Variants in NKAIN3 observed in about 807,000 individuals in gnomAD.
The protein encoded by NKAIN3 is sodium/potassium-transporting ATPase subunit beta-1-interacting protein 3.
Under a neutral mutation model 30.2 loss-of-function variants are expected in NKAIN3, and 25 were observed. The ratio of observed to expected loss-of-function variants is 0.83; its 90% confidence interval spans 0.60 to 1.16. NKAIN3 has a LOEUF of 1.16. Ranked by LOEUF, NKAIN3 falls within the 50% of genes most tolerant of loss-of-function variation. The pLI is 0.00. For missense variants in NKAIN3, 225 were observed against 254.1 expected (o/e 0.89, Z 0.78); for synonymous variants, 91 against 89.6 (o/e 1.02, Z -0.09).
At chr8:62,644,179 G>A (rs1344645119) in intron 3 of NKAIN3, among the ~76,000 whole-genome samples, 1 of 152,054 alleles carries the variant, frequency 6.6e-6, no homozygotes, top group Non-Finnish European at 1.5e-5. Context: ...CACTCTCTTA[G>A]TCCCTTCAGC....
chr8:62,356,383 T>C (rs1337568779), intron 1 of NKAIN3, among the ~76,000 whole-genome samples: 1 of 152,156 alleles, frequency 6.6e-6, no homozygotes, highest in African/African-American at 2.4e-5. Flanking sequence ...AAATAATGAA[T>C]ATGAAAATCT....
intron 1 of NKAIN3, among the ~76,000 whole-genome samples, chr8:62,414,514 C>T (rs142416914): frequency 2.8e-4 from 43 of 152,160 alleles, no homozygotes; most frequent in African/African-American, 8.4e-4. Context: ...CTGTTCGTGG[C>T]GTTAATGCCG....
Position 62,971,391 on chromosome 8 carries a change from A to G in NKAIN3, c.*5984A>G, listed in dbSNP as rs955127573. On this transcript the variant is annotated 3_prime_UTR_variant, in exon 7 of 7. Coordinates refer to ENST00000623646, the MANE Select transcript of NKAIN3 (RefSeq NM_001304533.3). ...GTGGCTTATGCCTGTAATTTCAGCA[A>G]TTTGGAAGGCCAAGGCGTGCAGATC... 6.6e-6 allele frequency among the ~76,000 whole-genome samples: 1 copy of G among 152,174 alleles called. No homozygotes were observed. The highest frequency in any genetic ancestry group is 2.4e-5 in the African/African-American group (1 of 41,454).
chr8:62,535,841 T>G (rs1808643507), intron 1 of NKAIN3, among the ~76,000 whole-genome samples: 1 of 152,036 alleles, frequency 6.6e-6, no homozygotes, highest in Non-Finnish European at 1.5e-5. Flanking sequence ...GAGAGAGTCT[T>G]AAGACCCACA....
At chr8:62,519,546 A>G (rs1241513914) in intron 1 of NKAIN3, among the ~76,000 whole-genome samples, 3 of 152,160 alleles carry the variant, frequency 2.0e-5, no homozygotes, top group African/African-American at 7.2e-5. Flanking sequence ...AGGAGATTCA[A>G]AGAAGAAATA....
intron 4 of NKAIN3, among the ~76,000 whole-genome samples, chr8:62,886,161 CT>C (rs201069172): frequency 2.5e-4 from 37 of 147,870 alleles, no homozygotes; most frequent in African/African-American, 7.2e-4. Context: ...CTTTCTTTAA[CT>C]TTTTTTTTTA....
chr8:62,761,203 T>C (rs559306617), intron 4 of NKAIN3, among the ~76,000 whole-genome samples: 1 of 152,256 alleles, frequency 6.6e-6, no homozygotes, highest in Admixed American at 6.5e-5. Context: ...AATGAACTAA[T>C]TGTAGAGAGT....
At chr8:62,549,547 G>A (rs553183630) in intron 1 of NKAIN3, among the ~76,000 whole-genome samples, 1 of 152,166 alleles carries the variant, frequency 6.6e-6, no homozygotes, top group East Asian at 1.9e-4. Context: ...TACCTGAGAA[G>A]TAAAGAAATA....
chr8:62,596,323 TC>T (rs1289862852), intron 3 of NKAIN3, among the ~76,000 whole-genome samples: 2 of 152,022 alleles, frequency 1.3e-5, no homozygotes, highest in African/African-American at 4.8e-5. Context: ...TAATGGAGGG[TC>T]CTGCCTTGCA....
chr8:62,943,191 A>G (rs1455389134), intron 5 of NKAIN3, among the ~76,000 whole-genome samples: 2 of 152,156 alleles, frequency 1.3e-5, no homozygotes, highest in Admixed American at 1.3e-4. Context: ...ATCCGCAGGA[A>G]AAAAACAAAC....
intron 4 of NKAIN3, among the ~76,000 whole-genome samples, chr8:62,882,372 A>G (rs1012459567): frequency 6.6e-6 from 1 of 152,048 alleles, no homozygotes; most frequent in African/African-American, 2.4e-5. Flanking sequence ...AGGCTGGAGT[A>G]CAATGACGCG....
intron 1 of NKAIN3, among the ~76,000 whole-genome samples, chr8:62,486,415 A>AC (rs1806903386): frequency 6.6e-6 from 1 of 152,184 alleles, no homozygotes; most frequent in South Asian, 2.1e-4. Flanking sequence ...TTTTCAAAAA[A>AC]AAAATGTCTT....
At chr8:62,359,300 T>G (rs1042123643) in intron 1 of NKAIN3, among the ~76,000 whole-genome samples, 3 of 152,238 alleles carry the variant, frequency 2.0e-5, no homozygotes, top group Non-Finnish European at 4.4e-5. Flanking sequence ...ATCCTTTTTA[T>G]GTACCTGGTT....
intron 4 of NKAIN3, among the ~76,000 whole-genome samples, chr8:62,858,684 C>T (rs1820139560): frequency 6.6e-6 from 1 of 152,128 alleles, no homozygotes; most frequent in African/African-American, 2.4e-5. Context: ...CTCATCCAGA[C>T]CATTTGGACT....
At chr8:62,878,508 T>A (rs1414217772) in intron 4 of NKAIN3, among the ~76,000 whole-genome samples, 1 of 151,372 alleles carries the variant, frequency 6.6e-6, no homozygotes, top group African/African-American at 2.4e-5. Flanking sequence ...GTTGTTGTGT[T>A]TTTATTATTA....
intron 3 of NKAIN3, among the ~76,000 whole-genome samples, chr8:62,646,669 A>G (rs1462355231): frequency 6.6e-6 from 1 of 152,188 alleles, no homozygotes; most frequent in African/African-American, 2.4e-5. Context: ...ATGAGCCCGT[A>G]TTACATTTTG....
At chr8:62,257,296 A>T (rs1812293359) in intron 1 of NKAIN3, among the ~76,000 whole-genome samples, 1 of 152,200 alleles carries the variant, frequency 6.6e-6, no homozygotes, top group Admixed American at 6.5e-5. Flanking sequence ...CCTCCCTGAC[A>T]TATAACTATG....
chr8:62,883,740 T>A (rs1384631845), intron 4 of NKAIN3, among the ~76,000 whole-genome samples: 2 of 152,028 alleles, frequency 1.3e-5, no homozygotes, highest in Non-Finnish European at 2.9e-5. Flanking sequence ...GTTAATTGAT[T>A]TTTGCTCTAA....
At chr8:62,954,995 C>T (rs758784604) in intron 6 of NKAIN3, among the ~76,000 whole-genome samples, 12 of 152,088 alleles carry the variant, frequency 7.9e-5, no homozygotes, top group Non-Finnish European at 1.3e-4. Flanking sequence ...GTAAAATAGT[C>T]GCTTGTATAA....
Sources: gnomAD v4.1 joint callset for allele counts (sites outside exome capture counted in the v4.1 genomes callset) on GRCh38, gnomAD v4.1.1 for gene constraint, MANE v1.5 for transcripts, NCBI Gene and HGNC (gene_info 2026-07-23, HGNC 2026-07-21) for gene names.